Variants in RANBP2 observed in about 807,000 individuals in gnomAD.
The protein encoded by RANBP2 is RAN binding protein 2.
RANBP2 carries 57 observed loss-of-function variants against 303.6 expected under a neutral mutation model. The observed-to-expected ratio is 0.19, with a 90% CI of 0.15 to 0.23. The LOEUF is 0.23. RANBP2 is among the 10% of genes least tolerant of loss of function. The pLI is 1.00. For synonymous variants in RANBP2, 1,167 were observed against 1,301.5 expected (o/e 0.90, Z 2.23); for missense variants, 3,138 against 3,780.8 (o/e 0.83, Z 4.46).
chr2:108,818,758 A>G, the RANBP2 span, among the ~76,000 whole-genome samples: 1 of 152,010 alleles, frequency 6.6e-6, no homozygotes, highest in African/African-American at 2.4e-5. Flanking sequence ...TAAGAATACT[A>G]GTATAACTCA....
At chr2:109,611,010 A>AGAAACAGACT in the RANBP2 span, among the ~76,000 whole-genome samples, 1 of 152,194 alleles carries the variant, frequency 6.6e-6, no homozygotes, top group South Asian at 2.1e-4. Context: ...CGGAGAACCC[A>AGAAACAGACT]GAAACAGACT....
chr2:109,657,714 GTTTTTTTT>G, the RANBP2 span, among the ~76,000 whole-genome samples: 2 of 82,230 alleles, frequency 2.4e-5, no homozygotes, highest in Admixed American at 1.8e-4. Context: ...AATTAGCTGA[GTTTTTTTT>G]TTTTTTTTTT....
the RANBP2 span, among the ~76,000 whole-genome samples, chr2:109,634,201 A>AG: frequency 1.3e-5 from 2 of 151,632 alleles, no homozygotes; most frequent in Non-Finnish European, 2.9e-5. Flanking sequence ...TATAATAGCC[A>AG]GGAATCTTTC....
At chr2:109,307,536 T>A in the RANBP2 span, among the ~76,000 whole-genome samples, 1 of 146,726 alleles carries the variant, frequency 6.8e-6, no homozygotes, top group Non-Finnish European at 1.5e-5. Flanking sequence ...ACTCGTCATC[T>A]AGCATTAGGT....
chr2:108,853,020 A>T, the RANBP2 span, among the ~76,000 whole-genome samples: 1 of 152,236 alleles, frequency 6.6e-6, no homozygotes, highest in Admixed American at 6.5e-5. Flanking sequence ...GCTCACAAAC[A>T]TCACCAAAAT....
the RANBP2 span, among the ~76,000 whole-genome samples, chr2:109,171,422 CTT>C: frequency 6.6e-6 from 1 of 152,304 alleles, no homozygotes; most frequent in South Asian, 2.1e-4. Context: ...TGCATATTGA[CTT>C]GAAATACTCT....
the RANBP2 span, among the ~76,000 whole-genome samples, chr2:109,462,791 C>G: frequency 2.0e-5 from 3 of 152,168 alleles, no homozygotes; most frequent in African/African-American, 7.2e-5. Flanking sequence ...CAGGGCCATA[C>G]TTGAACTGTT....
chr2:109,418,461 C>T, the RANBP2 span, among the ~76,000 whole-genome samples: 1 of 152,146 alleles, frequency 6.6e-6, no homozygotes, highest in African/African-American at 2.4e-5. Context: ...GGGCTCCCTC[C>T]TGGCTTTGGT....
At chr2:109,157,421 T>C in the RANBP2 span, among the ~76,000 whole-genome samples, 3 of 152,254 alleles carry the variant, frequency 2.0e-5, no homozygotes, top group East Asian at 5.8e-4. Flanking sequence ...ATGTGTAATG[T>C]TGCCTTGAAT....
the RANBP2 span, among the ~76,000 whole-genome samples, chr2:109,088,757 C>G: frequency 5.3e-5 from 8 of 152,190 alleles, no homozygotes; most frequent in African/African-American, 1.9e-4. Context: ...GGTGATCCAC[C>G]CGCCTTGGCC....
At chr2:109,087,821 T>C in the RANBP2 span, among the ~76,000 whole-genome samples, 2 of 152,070 alleles carry the variant, frequency 1.3e-5, no homozygotes, top group South Asian at 4.1e-4. Flanking sequence ...GCAGCCTCCA[T>C]GAGGACAGTG....
chr2:109,285,635 T>G, the RANBP2 span, among the ~76,000 whole-genome samples: 1 of 152,304 alleles, frequency 6.6e-6, no homozygotes, highest in Non-Finnish European at 1.5e-5. Flanking sequence ...GCCTAACCTG[T>G]CATCTGTGTC....
At chr2:108,773,118 CTTAT>C (rs1452502821) in intron 23 of RANBP2, 72 bp downstream of exon 23, 10 of 1,446,780 alleles carry the variant, frequency 6.9e-6, no homozygotes, top group East Asian at 2.5e-5. Context: ...TTAGAATGTT[CTTAT>C]TTATTTATTT....
At chr2:109,382,519 C>T in the RANBP2 span, among the ~76,000 whole-genome samples, 1 of 152,182 alleles carries the variant, frequency 6.6e-6, no homozygotes, top group East Asian at 1.9e-4. Flanking sequence ...CATGCCCTTC[C>T]GTCTTGCAGC....
At chr2:108,920,091 C>A in the RANBP2 span, among the ~76,000 whole-genome samples, 2 of 152,240 alleles carry the variant, frequency 1.3e-5, no homozygotes, top group Non-Finnish European at 2.9e-5. Context: ...ATCTCTTTCC[C>A]CTTCTGTGTG....
chr2:109,000,826 G>A, the RANBP2 span, among the ~76,000 whole-genome samples: 5 of 152,118 alleles, frequency 3.3e-5, no homozygotes, highest in South Asian at 2.1e-4. Context: ...TTGAGAAAAC[G>A]GAGGCACACA....
the RANBP2 span, among the ~76,000 whole-genome samples, chr2:109,554,376 G>C: frequency 2.0e-5 from 3 of 152,130 alleles, no homozygotes; most frequent in African/African-American, 7.2e-5. Flanking sequence ...ACATTTTTAT[G>C]TTACAATAAT....
chr2:108,803,220 C>T, the RANBP2 span, among the ~76,000 whole-genome samples: 1 of 152,216 alleles, frequency 6.6e-6, no homozygotes, highest in Non-Finnish European at 1.5e-5. Context: ...TGCTTTTGGT[C>T]TGTCCTGTGC....
the RANBP2 span, among the ~76,000 whole-genome samples, chr2:109,539,307 A>T: frequency 1.3e-5 from 2 of 152,116 alleles, no homozygotes; most frequent in Non-Finnish European, 2.9e-5. Context: ...CAAAAAGAAA[A>T]AAAATATTGA....
Sources: gnomAD v4.1 joint callset for allele counts (sites outside exome capture counted in the v4.1 genomes callset) on GRCh38, gnomAD v4.1.1 for gene constraint, MANE v1.5 for transcripts, NCBI Gene and HGNC (gene_info 2026-07-23, HGNC 2026-07-21) for gene names.